The following SUCLG2 variants were observed in gnomAD, a reference collection of about 807,000 sequenced individuals.
SUCLG2 encodes the protein succinate--CoA ligase [GDP-forming] subunit beta, mitochondrial.
SUCLG2 carries 42 observed loss-of-function variants against 47.9 expected under a neutral mutation model. That is an observed-to-expected ratio of 0.88 (90% CI 0.69 to 1.14). SUCLG2 has a LOEUF of 1.14. Ranked by LOEUF, SUCLG2 falls within the 50% of genes most tolerant of loss-of-function variation. SUCLG2 has a pLI of 0.00. For missense variants in SUCLG2, 571 were observed against 525.9 expected (o/e 1.09, Z -0.84); for synonymous variants, 195 against 197.3 (o/e 0.99, Z 0.10).
intron 1 of SUCLG2, among the ~76,000 whole-genome samples, chr3:67,640,173 G>T (rs1196521396): frequency 6.6e-6 from 1 of 152,198 alleles, no homozygotes; most frequent in Non-Finnish European, 1.5e-5. Context: ...AATGAATTCA[G>T]CACTATGTGA....
chr3:67,520,683 C>G, intron 4 of SUCLG2, 49 bp from the exon 5 acceptor site: 1 of 1,557,544 alleles, frequency 6.4e-7, no homozygotes, highest in South Asian at 1.2e-5. Flanking sequence ...AAGCTGATTT[C>G]TACTTGGAAA....
chr3:67,447,833 A>G (rs1703961484), intron 9 of SUCLG2, among the ~76,000 whole-genome samples: 1 of 152,154 alleles, frequency 6.6e-6, no homozygotes, highest in Non-Finnish European at 1.5e-5. Context: ...GGTTCAAGTG[A>G]TTCTCATGTC....
intron 9 of SUCLG2, among the ~76,000 whole-genome samples, chr3:67,410,499 A>AT (rs1204383009): frequency 7.2e-5 from 11 of 152,268 alleles, no homozygotes; most frequent in South Asian, 4.1e-4. Flanking sequence ...CACAGTTTCT[A>AT]TTTTTTTACA....
intron 2 of SUCLG2, among the ~76,000 whole-genome samples, chr3:67,606,792 T>C (rs72929346): frequency 0.031 from 4,724 of 152,290 alleles, 244 homozygotes; most frequent in African/African-American, 0.11. Context: ...TTCTAGAACA[T>C]AAATTCTATG....
At position 67,598,003 on chromosome 3, in the gene SUCLG2, C is replaced by T. The variant is rs534046189; in HGVS notation, c.226+11452G>A. 6.6e-5 allele frequency among the ~76,000 whole-genome samples: 10 copies of T among 151,374 alleles called. No individual in the cohort carries two copies. In the South Asian group the frequency reaches 1.9e-3, roughly 29 times the overall value. ...TTTCCTTTTCCTTTTTTTTTGGAGACGGAGTCTTGTTCTGTTGCCCAGGGT... is the reference window on the plus strand; with the variant it reads ...TTTCCTTTTCCTTTTTTTTTGGAGATGGAGTCTTGTTCTGTTGCCCAGGGT... On this transcript the variant is annotated intron_variant, in intron 2 of 10. Transcript: ENST00000307227.
intron 9 of SUCLG2, among the ~76,000 whole-genome samples, chr3:67,479,084 A>G (rs1575724242): frequency 6.6e-6 from 1 of 152,348 alleles, no homozygotes; most frequent in East Asian, 1.9e-4. Flanking sequence ...ATCCAATAAC[A>G]TGATATAACC....
intron 9 of SUCLG2, among the ~76,000 whole-genome samples, chr3:67,483,499 T>C (rs189408511): frequency 7.2e-5 from 11 of 152,282 alleles, no homozygotes; most frequent in Admixed American, 7.2e-4. Flanking sequence ...TTTTTATATT[T>C]CAAACTAGCA....
Position 67,508,791 on chromosome 3 carries a change from T to C in SUCLG2, c.757+16A>G, listed in dbSNP as rs750496212. 5.0e-5 allele frequency: 77 copies of C among 1,526,444 alleles called. No homozygotes were observed. In the Admixed American group the frequency reaches 1.4e-3, roughly 27 times the overall value. The allele number at this position is 1,526,444 out of a possible 1,614,324, so 94.6% of individuals were successfully genotyped here. A position where few individuals can be genotyped will look rare whatever the true frequency, so the allele number is the denominator to read the frequency against. ...TAATACATTCATTTGTTTTCTCAAT[T>C]CTTTTTTTTTTTTACCTTGTCCTTC... On this transcript the variant is annotated intron_variant, in intron 7 of 10. Transcript: ENST00000307227.
intron 10 of SUCLG2, among the ~76,000 whole-genome samples, chr3:67,384,888 T>G (rs1702228582): frequency 6.6e-6 from 1 of 152,224 alleles, no homozygotes; most frequent in Non-Finnish European, 1.5e-5. Context: ...TGGCATGAGA[T>G]GAAAGCTGTC....
At chr3:67,488,619 C>T (rs1281801286) in intron 9 of SUCLG2, among the ~76,000 whole-genome samples, 1 of 152,208 alleles carries the variant, frequency 6.6e-6, no homozygotes, top group Non-Finnish European at 1.5e-5. Context: ...TGCCCTGCCA[C>T]ATAAGATTAT....
At chr3:67,643,050 T>A (rs1285949791) in intron 1 of SUCLG2, among the ~76,000 whole-genome samples, 2 of 152,142 alleles carry the variant, frequency 1.3e-5, no homozygotes, top group African/African-American at 2.4e-5. Flanking sequence ...CTGCCACCTG[T>A]GACACGGAAC....
intron 9 of SUCLG2, among the ~76,000 whole-genome samples, chr3:67,469,509 C>A (rs887590071): frequency 6.6e-6 from 1 of 151,932 alleles, no homozygotes; most frequent in Non-Finnish European, 1.5e-5. Flanking sequence ...GCAGGTGGAT[C>A]ACGAGGTCAG....
At chr3:67,627,527 T>C (rs941818912) in intron 1 of SUCLG2, among the ~76,000 whole-genome samples, 2 of 152,240 alleles carry the variant, frequency 1.3e-5, no homozygotes, top group African/African-American at 4.8e-5. Context: ...GAAGTTATTT[T>C]GTCTCAGCTC....
chr3:67,609,694 A>C (rs914492822), intron 1 of SUCLG2, 98 bp from the exon 2 acceptor site: 1 of 1,137,284 alleles, frequency 8.8e-7, no homozygotes, highest in Non-Finnish European at 1.2e-6. Flanking sequence ...GTTGACTGGC[A>C]ATCTGCAACC....
chr3:67,416,063 G>T (rs1215133255), intron 9 of SUCLG2, among the ~76,000 whole-genome samples: 2 of 152,208 alleles, frequency 1.3e-5, no homozygotes, highest in Non-Finnish European at 2.9e-5. Flanking sequence ...TTTGGAAGCA[G>T]ATTGATCCTC....
intron 9 of SUCLG2, among the ~76,000 whole-genome samples, chr3:67,430,297 C>G (rs548359713): frequency 2.4e-4 from 36 of 152,282 alleles, no homozygotes; most frequent in Admixed American, 1.1e-3. Flanking sequence ...TTAAGAAACT[C>G]ACTCAAAACC....
chr3:67,374,542 T>A (rs1342228572), downstream of SUCLG2, among the ~76,000 whole-genome samples: 1 of 152,042 alleles, frequency 6.6e-6, no homozygotes, highest in Non-Finnish European at 1.5e-5. Flanking sequence ...ATGGATTCAA[T>A]AATCTCCTAA....
intron 1 of SUCLG2, among the ~76,000 whole-genome samples, chr3:67,619,369 G>A (rs1386098604): frequency 6.6e-6 from 1 of 152,206 alleles, no homozygotes; most frequent in Non-Finnish European, 1.5e-5. Flanking sequence ...ACAGCTGGTT[G>A]GAGGCAAAGC....
chr3:67,647,009 T>G (rs1701203734), intron 1 of SUCLG2, among the ~76,000 whole-genome samples: 1 of 152,172 alleles, frequency 6.6e-6, no homozygotes, highest in African/African-American at 2.4e-5. Flanking sequence ...TCCTTGCTCT[T>G]GTCTCTGGCC....
Sources: gnomAD v4.1 joint callset for allele counts (sites outside exome capture counted in the v4.1 genomes callset) on GRCh38, gnomAD v4.1.1 for gene constraint, MANE v1.5 for transcripts, NCBI Gene and HGNC (gene_info 2026-07-23, HGNC 2026-07-21) for gene names.